Variants in ZNF189 observed in about 807,000 individuals in gnomAD.
ZNF189 encodes zinc finger protein 189.
ZNF189 carries 33 observed loss-of-function variants against 53.5 expected under a neutral mutation model. The ratio of observed to expected loss-of-function variants is 0.62; its 90% CI spans 0.47 to 0.82. The LOEUF (loss-of-function observed/expected upper bound fraction) is 0.82, where lower values mean the gene tolerates loss of function less well. Among genes scored for constraint, ZNF189 ranks in the 40% least tolerant of loss-of-function variants. ZNF189 has a pLI of 0.00. For synonymous variants in ZNF189, 247 were observed against 238.8 expected, an observed-to-expected ratio of 1.03 and a Z score of -0.32; for missense variants, 711 against 753.9, an observed-to-expected ratio of 0.94 and a Z score of 0.67.
chr9:101,406,781 T>A (rs939126529), intron 2 of ZNF189, among the ~76,000 whole-genome samples: 1 of 152,192 alleles, frequency 6.6e-6, no homozygotes, highest in Non-Finnish European at 1.5e-5. Context: ...CAGCAAGAGA[T>A]GGAAAATCAG....
At chr9:101,402,867 AC>A (rs1830583955) in intron 2 of ZNF189, among the ~76,000 whole-genome samples, 1 of 151,740 alleles carries the variant, frequency 6.6e-6, no homozygotes, top group Non-Finnish European at 1.5e-5. Context: ...CCCCTAAACT[AC>A]CCCCTTGCCA....
rs767708434 is a variant in ZNF189 at position 101,399,135 on chromosome 9, G to T, written c.-22G>T. The T allele has an allele frequency of 3.8e-6, 6 of 1,579,258 alleles. No individual in the cohort carries two copies. The South Asian group carries it at 6.7e-5, about 18-fold the overall frequency. On this transcript the variant is annotated 5_prime_UTR_variant, in exon 1 of 3. Transcript: ENST00000339664. ...TTCCGTGAGGCCGCCCCCAATTCCT[G>T]CCCCTATTCTCTGCCTGGGAGATGG...
At position 101,408,108 on chromosome 9, in the gene ZNF189, T is replaced by G. The variant is rs765154219; in HGVS notation, c.340T>G (p.Phe114Val). Residue 114 changes from phenylalanine to valine, a missense_variant, in exon 3 of 3, where the codon TTC (phenylalanine) becomes GTC (valine). Phe to Val is a conservative substitution (Grantham distance 50). Coordinates refer to ENST00000339664, the MANE Select transcript of ZNF189 (RefSeq NM_003452.4). ...TAGGTTAGATAAACAAAGAGGGATC[T>G]TCCTATGGGAAATACCAAGGGAATC... ...VGRLDKQRGI[F>V]LWEIPRESLT... 6.2e-7 allele frequency: 1 copy of G among 1,613,838 alleles called. No individual in the cohort carries two copies. Among genetic ancestry groups the G allele is most frequent in the Non-Finnish European group, 8.5e-7 (1 of 1,179,926 alleles).
At chr9:101,402,533 A>G (rs916320571) in intron 2 of ZNF189, among the ~76,000 whole-genome samples, 1 of 152,172 alleles carries the variant, frequency 6.6e-6, no homozygotes, top group Non-Finnish European at 1.5e-5. Context: ...CACATGAGTA[A>G]TTCAAACCTG....
In ZNF189 at chr9:101,409,673, A is replaced by C. The variant is rs757016163; in HGVS notation, c.*24A>C. On this transcript the variant is annotated 3_prime_UTR_variant, in exon 3 of 3. Coordinates refer to ENST00000339664, the MANE Select transcript of ZNF189 (RefSeq NM_003452.4). The stretch of plus-strand genomic sequence containing the variant: ...AAATGTAGAGCAATACATAAGCTCA[A>C]TTTGATTTGAGACTAGTACCCAAGT... 3.8e-6 allele frequency: 6 copies of C among 1,564,720 alleles called. No individual in the cohort carries two copies. The highest frequency in any genetic ancestry group is 5.2e-6 in the Non-Finnish European group (6 of 1,159,204).
intron 2 of ZNF189, among the ~76,000 whole-genome samples, chr9:101,400,931 A>G (rs776157318): frequency 6.6e-6 from 1 of 152,030 alleles, no homozygotes; most frequent in Non-Finnish European, 1.5e-5. Context: ...ACCTAAACCC[A>G]TTCATTATTA....
intron 2 of ZNF189, among the ~76,000 whole-genome samples, chr9:101,403,639 G>T (rs755688796): frequency 6.6e-6 from 1 of 152,064 alleles, no homozygotes; most frequent in Non-Finnish European, 1.5e-5. Flanking sequence ...GACTCTTTCC[G>T]CAATGACTTG....
At chr9:101,400,914 C>T (rs1830508866) in intron 2 of ZNF189, among the ~76,000 whole-genome samples, 1 of 152,216 alleles carries the variant, frequency 6.6e-6, no homozygotes, top group African/African-American at 2.4e-5. Flanking sequence ...CTTTCCTACT[C>T]CTTTCCACCT....
intron 2 of ZNF189, 134 bp from the exon 3 acceptor site, chr9:101,407,795 C>A (rs1037863010): frequency 1.4e-5 from 12 of 877,400 alleles, no homozygotes; most frequent in Admixed American, 3.5e-5. Flanking sequence ...TTTTTTTCAT[C>A]CTACCCTGTT....
At chr9:101,402,630 ATACTCC>A (rs1830576673) in intron 2 of ZNF189, among the ~76,000 whole-genome samples, 1 of 152,124 alleles carries the variant, frequency 6.6e-6, no homozygotes, top group African/African-American at 2.4e-5. Context: ...TACCTTGTAT[ATACTCC>A]TGCTATTGAA....
rs1830423428 is a variant in ZNF189 at position 101,398,995 on chromosome 9, G to T, written c.-162G>T. The T allele has an allele frequency of 4.2e-6, 3 of 717,000 alleles. No homozygotes were observed. Among genetic ancestry groups the T allele is most frequent in the Non-Finnish European group, 7.8e-6 (3 of 386,932 alleles). The allele number at this position is 717,000 out of a possible 1,614,324, so 44.4% of individuals were successfully genotyped here. A position where few individuals can be genotyped will look rare whatever the true frequency, so the allele number is the denominator to read the frequency against. On this transcript the variant is annotated 5_prime_UTR_variant, in exon 1 of 3. Coordinates refer to ENST00000339664, the MANE Select transcript of ZNF189 (RefSeq NM_003452.4). ...AGCCAGGGATCGCGTCTGATATGCT[G>T]TTGGGGTCGTGACCGTCTGGGGGCC...
rs751951659 is a variant in ZNF189 at position 101,408,331 on chromosome 9, G to T, written c.563G>T (p.Ser188Ile). ...CNECGKSFSR[S>I]SFVIEHQRIH... is the part of the protein sequence containing the mutation. ...GAATGTGGGAAAAGTTTTAGTCGCA[G>T]TTCATTTGTTATTGAACATCAGAGA... Residue 188 changes from serine to isoleucine, a missense_variant, in exon 3 of 3, where the codon AGT (serine) becomes ATT (isoleucine). Transcript: ENST00000339664. 10 of 1,614,092 alleles carry T rather than the reference G, an allele frequency of 6.2e-6. No homozygotes were observed. The highest frequency in any genetic ancestry group is 8.5e-6 in the Non-Finnish European group (10 of 1,179,990).
rs1830461556 is a variant in ZNF189, at chr9:101,399,760, A to G, written c.34-124A>G. 4.7e-6 allele frequency: 7 copies of G among 1,482,482 alleles called. No individual in the cohort carries two copies. In the Middle Eastern group the frequency reaches 6.5e-4, roughly 137 times the overall value. The allele number at this position is 1,482,482 out of a possible 1,614,324, so 91.8% of individuals were successfully genotyped here. ...GTTCCCAGAATTGGGCAACATATGG[A>G]ACTTTCAGTTATCATGTTCCTCCTA... is the stretch of plus-strand genomic sequence containing the variant. On this transcript the variant is annotated intron_variant, in intron 1 of 2. Transcript: ENST00000339664.
At chr9:101,406,429 A>G (rs1056158972) in intron 2 of ZNF189, among the ~76,000 whole-genome samples, 2 of 152,218 alleles carry the variant, frequency 1.3e-5, no homozygotes. Flanking sequence ...AGAATCAGAT[A>G]TATCTTTATG....
chr9:101,399,815 C>T, intron 1 of ZNF189, 69 bp from the exon 2 acceptor site: 3 of 1,606,812 alleles, frequency 1.9e-6, no homozygotes, highest in African/African-American at 2.7e-5. Context: ...GTGATTGCCT[C>T]TGTCACTTTT....
At chr9:101,405,928 A>C (rs1035317298) in intron 2 of ZNF189, among the ~76,000 whole-genome samples, 1 of 151,854 alleles carries the variant, frequency 6.6e-6, no homozygotes, top group Admixed American at 6.6e-5. Context: ...AGCTAGGCAC[A>C]GTGGCGGGTG....
At chr9:101,403,653 A>G (rs1406670692) in intron 2 of ZNF189, among the ~76,000 whole-genome samples, 1 of 152,210 alleles carries the variant, frequency 6.6e-6, no homozygotes, top group Non-Finnish European at 1.5e-5. Flanking sequence ...TGACTTGCAG[A>G]TTGCCACCTT....
Position 101,408,573 on chromosome 9 carries a change from T to G in ZNF189, c.805T>G (p.Phe269Val), listed in dbSNP as rs1168458086. 3.7e-6 allele frequency: 6 copies of G among 1,614,044 alleles called. No homozygotes were observed. The highest frequency in any genetic ancestry group is 5.1e-6 in the Non-Finnish European group (6 of 1,180,030). Reference sequence around the variant, plus strand: ...TAAATGTAGTGACTGTGGGAAAGCCTTCAGTTGGAAATCACACCTTATTGA... The same window carrying G: ...TAAATGTAGTGACTGTGGGAAAGCCGTCAGTTGGAAATCACACCTTATTGA... ...PHKCSDCGKAFSWKSHLIEHQ... is the reference protein window; with the variant it reads ...PHKCSDCGKAVSWKSHLIEHQ... The change falls in exon 3 of 3, where the codon TTC (phenylalanine) becomes GTC (valine). Residue 269 changes from phenylalanine (F) to valine (V), a missense_variant. By Grantham distance (50) the Phe-to-Val change is conservative. Coordinates refer to ENST00000339664, the MANE Select transcript of ZNF189 (RefSeq NM_003452.4).
chr9:101,407,383 T>A (rs1219547489), intron 2 of ZNF189: 2 of 398,068 alleles, frequency 5.0e-6, no homozygotes, highest in African/African-American at 2.1e-5. Context: ...CATCTTTTTT[T>A]ATTTTTATTT....
Sources: allele counts gnomAD v4.1 joint callset (sites outside exome capture counted in the v4.1 genomes callset), GRCh38; gene constraint gnomAD v4.1.1; transcripts MANE v1.5; gene names NCBI Gene and HGNC (gene_info 2026-07-23, HGNC 2026-07-21).